Variants in DENND1A observed in about 807,000 individuals in gnomAD.
DENND1A encodes DENN domain-containing protein 1A.
A neutral mutation model predicts 113.7 loss-of-function variants in DENND1A; 51 were observed. The observed-to-expected ratio is 0.45, with a 90% CI of 0.36 to 0.57. The LOEUF (loss-of-function observed/expected upper bound fraction) is 0.57, where lower values mean the gene tolerates loss of function less well. Among genes scored for constraint, DENND1A ranks in the 20% least tolerant of loss-of-function variants. DENND1A has a pLI of 0.00. For missense variants in DENND1A, 1,258 were observed against 1,395.9 expected, an observed-to-expected ratio of 0.90 and a Z score of 1.57; for synonymous variants, 565 against 570.8, an observed-to-expected ratio of 0.99 and a Z score of 0.14.
Position 123,780,109 on chromosome 9 carries a change from G to A in DENND1A, c.133-10546C>T, listed in dbSNP as rs552918698. ...CGTCAAGTGATCTGCCTGCCTCAGC[G>A]TCCCAAAGTACTGGGATTACAGGCG... On this transcript the variant is annotated intron_variant, in intron 3 of 23. Coordinates refer to ENST00000394215, the MANE Select transcript of DENND1A (RefSeq NM_001352964.2). Among the ~76,000 whole-genome samples, 70 of 152,120 alleles carry A rather than the reference G, an allele frequency of 4.6e-4. 1 individual carries two copies. Among genetic ancestry groups the A allele is most frequent in the South Asian group, 1.0e-3 (5 of 4,808 alleles).
intron 2 of DENND1A, among the ~76,000 whole-genome samples, chr9:123,869,027 G>A (rs952925809): frequency 6.6e-6 from 1 of 152,182 alleles, no homozygotes; most frequent in African/African-American, 2.4e-5. Context: ...GATACAAAAT[G>A]TTCTGTTTTC....
chr9:123,635,344 A>C (rs1275213904), intron 9 of DENND1A, among the ~76,000 whole-genome samples: 1 of 152,256 alleles, frequency 6.6e-6, no homozygotes, highest in East Asian at 1.9e-4. Flanking sequence ...CAGATTAGGA[A>C]ACAGTTTCAG....
At chr9:123,785,223 C>T (rs756013701) in intron 3 of DENND1A, among the ~76,000 whole-genome samples, 2 of 151,778 alleles carry the variant, frequency 1.3e-5, no homozygotes, top group African/African-American at 4.8e-5. Context: ...GTACACACCC[C>T]GAAGTCCCAG....
intron 5 of DENND1A, among the ~76,000 whole-genome samples, chr9:123,727,784 C>T (rs2067813513): frequency 6.6e-6 from 1 of 151,916 alleles, no homozygotes; most frequent in Non-Finnish European, 1.5e-5. Context: ...ATGCCAAAAA[C>T]CACAAAACAC....
At chr9:123,618,459 T>C (rs1414570795) in intron 10 of DENND1A, among the ~76,000 whole-genome samples, 1 of 152,102 alleles carries the variant, frequency 6.6e-6, no homozygotes, top group Non-Finnish European at 1.5e-5. Context: ...CTCAGGCAGG[T>C]AGGCAGGAGT....
intron 12 of DENND1A, among the ~76,000 whole-genome samples, chr9:123,570,879 T>C (rs1039734616): frequency 1.2e-4 from 18 of 152,148 alleles, no homozygotes; most frequent in Non-Finnish European, 2.6e-4. Context: ...TAAAGAAATA[T>C]GGCGTGGAGA....
chr9:123,863,356 G>A (rs562681988), intron 2 of DENND1A, among the ~76,000 whole-genome samples: 1 of 152,270 alleles, frequency 6.6e-6, no homozygotes, highest in African/African-American at 2.4e-5. Flanking sequence ...CTCAAACAAT[G>A]ATAAACTCCC....
At chr9:123,789,062 G>GT (rs542938026) in intron 3 of DENND1A, among the ~76,000 whole-genome samples, 313 of 139,294 alleles carry the variant, frequency 2.2e-3, no homozygotes, top group Middle Eastern at 7.4e-3. Flanking sequence ...CTTTTGCCTT[G>GT]TTTTTTTTTT....
chr9:123,414,197 G>T, intron 19 of DENND1A: 1 of 1,088,342 alleles, frequency 9.2e-7, no homozygotes, highest in Non-Finnish European at 1.1e-6. Flanking sequence ...AAGCCTTACT[G>T]TCCTCATCTG....
At position 123,920,586 on chromosome 9, in the gene DENND1A, G is replaced by T. The variant is rs1018436969; in HGVS notation, c.17+9303C>A. Among the ~76,000 whole-genome samples the T allele has an allele frequency of 5.3e-5, 8 of 152,168 alleles. No homozygotes were observed. The East Asian group carries it at 1.3e-3, about 26-fold the overall frequency. ...AGTGGTTTTTTTACTTCAAGACAGG[G>T]TCTTGCTCTGTTGCCCAAGCTAGAG... On this transcript the variant is annotated intron_variant, in intron 1 of 23. Coordinates refer to ENST00000394215, the MANE Select transcript of DENND1A (RefSeq NM_001352964.2).
intron 19 of DENND1A, among the ~76,000 whole-genome samples, chr9:123,432,592 TGA>T (rs2046217945): frequency 6.6e-6 from 1 of 151,922 alleles, no homozygotes; most frequent in Non-Finnish European, 1.5e-5. Context: ...AAGACATGGA[TGA>T]GAGGGGAAGA....
intron 8 of DENND1A, among the ~76,000 whole-genome samples, chr9:123,655,777 G>A (rs2062912951): frequency 6.6e-6 from 1 of 152,198 alleles, no homozygotes; most frequent in Non-Finnish European, 1.5e-5. Flanking sequence ...AACACGTTAT[G>A]AGCTTCTGCT....
At chr9:123,788,259 A>C (rs1189006364) in intron 3 of DENND1A, among the ~76,000 whole-genome samples, 2 of 152,148 alleles carry the variant, frequency 1.3e-5, no homozygotes, top group African/African-American at 4.8e-5. Context: ...ACATTACAAG[A>C]CTATTTATGG....
chr9:123,485,635 C>CCCGTGTGTGTGTGCGT (rs1381580957), intron 13 of DENND1A: 1 of 126,986 alleles, frequency 7.9e-6, no homozygotes, highest in East Asian at 2.2e-4. Flanking sequence ...TGTGTGTGCG[C>CCCGTGTGTGTGTGCGT]GTACACACAC....
intron 11 of DENND1A, among the ~76,000 whole-genome samples, chr9:123,585,813 G>C (rs181661364): frequency 6.6e-6 from 1 of 152,314 alleles, no homozygotes; most frequent in Non-Finnish European, 1.5e-5. Context: ...TTAAATGGCT[G>C]CGTCTGTAAA....
intron 5 of DENND1A, among the ~76,000 whole-genome samples, chr9:123,695,516 T>C (rs1021754500): frequency 2.0e-5 from 3 of 152,088 alleles, no homozygotes; most frequent in Non-Finnish European, 2.9e-5. Context: ...AGTGTGTCCC[T>C]CTAGAGAACT....
intron 1 of DENND1A, 22 bp downstream of exon 1, chr9:123,929,867 C>A: frequency 7.2e-6 from 2 of 278,114 alleles, no homozygotes; most frequent in South Asian, 7.8e-5. Context: ...GGCCCGGCTC[C>A]GCCCGGCCCG....
intron 5 of DENND1A, among the ~76,000 whole-genome samples, chr9:123,757,277 A>G (rs1258223976): frequency 3.9e-5 from 6 of 152,230 alleles, no homozygotes; most frequent in Non-Finnish European, 8.8e-5. Context: ...AAAGGGGGCA[A>G]GGGTGTTACT....
intron 2 of DENND1A, among the ~76,000 whole-genome samples, chr9:123,801,633 T>C (rs188361691): frequency 3.9e-4 from 59 of 152,356 alleles, no homozygotes; most frequent in Non-Finnish European, 8.1e-4. Context: ...CTTTTGCATA[T>C]ATATCCACAA....
Sources: gnomAD v4.1 joint callset for allele counts (sites outside exome capture counted in the v4.1 genomes callset) on GRCh38, gnomAD v4.1.1 for gene constraint, MANE v1.5 for transcripts, NCBI Gene and HGNC (gene_info 2026-07-23, HGNC 2026-07-21) for gene names.